The following TMEM132C variants were observed in gnomAD, a reference collection of about 807,000 sequenced individuals.
TMEM132C encodes the protein transmembrane protein 132C, also known as protein phosphatase 1, regulatory subunit 152.
Under a neutral mutation model 61.4 loss-of-function variants are expected in TMEM132C, and 29 were observed. The observed-to-expected ratio is 0.47, with a 90% confidence interval of 0.35 to 0.64. TMEM132C has a LOEUF of 0.64. Among genes scored for constraint, TMEM132C ranks in the 30% least tolerant of loss-of-function variants. The pLI is 0.00. For missense variants in TMEM132C, 1,408 were observed against 1,476.9 expected (o/e 0.95, Z 0.76); for synonymous variants, 656 against 633.1 (o/e 1.04, Z -0.54).
chr12:128,308,850 C>G (rs1871874447), intron 1 of TMEM132C, among the ~76,000 whole-genome samples: 1 of 152,184 alleles, frequency 6.6e-6, no homozygotes, highest in African/African-American at 2.4e-5. Flanking sequence ...CTCTTCTTTC[C>G]TGTGAACTAA....
Position 128,504,042 on chromosome 12 carries a change from C to T in TMEM132C, c.975-39915C>T, listed in dbSNP as rs12582184. On this transcript the variant is annotated intron_variant, in intron 2 of 8. Coordinates refer to ENST00000435159, the MANE Select transcript of TMEM132C (RefSeq NM_001136103.3). ...TTGTCTGGGCTTTCTTCTTTCCTCTCTCCCCCTCTCCCTCCCTCTCACGTC... is the reference window on the plus strand; with the variant it reads ...TTGTCTGGGCTTTCTTCTTTCCTCTTTCCCCCTCTCCCTCCCTCTCACGTC... Among the ~76,000 whole-genome samples the T allele has an allele frequency of 0.019, 2,864 of 152,188 alleles. 280 individuals carry two copies. The East Asian group carries it at 0.3, about 16-fold the overall frequency.
At chr12:128,312,650 A>G (rs569195706) in intron 1 of TMEM132C, among the ~76,000 whole-genome samples, 88 of 152,276 alleles carry the variant, frequency 5.8e-4, no homozygotes, top group African/African-American at 2.0e-3. Context: ...AGAATTTCCA[A>G]CAGCCATCAG....
At chr12:128,287,681 GTA>G (rs1420709758) in intron 1 of TMEM132C, among the ~76,000 whole-genome samples, 1 of 152,162 alleles carries the variant, frequency 6.6e-6, no homozygotes, top group East Asian at 1.9e-4. Context: ...GTACTATTAT[GTA>G]TCTGCCTCCT....
At chr12:128,512,128 G>A (rs780240747) in intron 2 of TMEM132C, among the ~76,000 whole-genome samples, 3 of 151,570 alleles carry the variant, frequency 2.0e-5, no homozygotes, top group Non-Finnish European at 4.4e-5. Flanking sequence ...TTATTCCTTA[G>A]AAAGCAAAAT....
intron 2 of TMEM132C, among the ~76,000 whole-genome samples, chr12:128,541,153 T>C (rs1873733991): frequency 6.6e-6 from 1 of 152,172 alleles, no homozygotes; most frequent in African/African-American, 2.4e-5. Context: ...TTTACTTATG[T>C]TGACTGGTTT....
chr12:128,506,637 G>T (rs1273189297), intron 2 of TMEM132C, among the ~76,000 whole-genome samples: 1 of 152,126 alleles, frequency 6.6e-6, no homozygotes, highest in Non-Finnish European at 1.5e-5. Context: ...AACCTGCCTG[G>T]CTTCCGTCTC....
At chr12:128,609,289 A>AACCCCT (rs1565990395) in intron 3 of TMEM132C, among the ~76,000 whole-genome samples, 1 of 108,668 alleles carries the variant, frequency 9.2e-6, no homozygotes, top group Non-Finnish European at 1.9e-5. Context: ...GCAACACTGT[A>AACCCCT]GCCCCCGCCT....
At chr12:128,616,426 T>C in intron 4 of TMEM132C, 91 bp downstream of exon 4, 1 of 1,245,956 alleles carries the variant, frequency 8.0e-7, no homozygotes, top group Non-Finnish European at 1.1e-6. Flanking sequence ...TTTGCTACAA[T>C]GATTTTATGG....
rs1010865739 is a variant in TMEM132C at position 128,630,194 on chromosome 12, G to A, written c.1305+13859G>A. On this transcript the variant is annotated intron_variant, in intron 4 of 8. Coordinates refer to ENST00000435159, the MANE Select transcript of TMEM132C (RefSeq NM_001136103.3). This position sits in a 1 kb window ranked among gnomAD's most constrained non-coding sequence, Gnocchi z 4.3. The stretch of plus-strand genomic sequence containing the variant: ...GGCGGCAAGCTGGCGGCAAGCCCAG[G>A]AATCTGCATCCCTAACAAGCTCCAG... Among the ~76,000 whole-genome samples the A allele has an allele frequency of 6.6e-6, 1 of 152,030 alleles. No homozygotes were observed. Among genetic ancestry groups the A allele is most frequent in the Non-Finnish European group, 1.5e-5 (1 of 68,010 alleles).
At position 128,576,803 on chromosome 12, in the gene TMEM132C, C is replaced by T. The variant is rs187824820; in HGVS notation, c.1121+32700C>T. 1.4e-4 allele frequency among the ~76,000 whole-genome samples: 21 copies of T among 152,238 alleles called. No homozygotes were observed. The East Asian group carries it at 3.1e-3, about 22-fold the overall frequency. On this transcript the variant is annotated intron_variant, in intron 3 of 8. Coordinates refer to ENST00000435159, the MANE Select transcript of TMEM132C (RefSeq NM_001136103.3). ...TCGACATTGTTGTTGTTGTTGTTGACGATGATGATGATGTTGGAAAATCTT... is the reference window on the plus strand; with the variant it reads ...TCGACATTGTTGTTGTTGTTGTTGATGATGATGATGATGTTGGAAAATCTT...
intron 4 of TMEM132C, among the ~76,000 whole-genome samples, chr12:128,655,442 G>A (rs998597946): frequency 6.6e-6 from 1 of 151,940 alleles, no homozygotes; most frequent in Non-Finnish European, 1.5e-5. Context: ...TTAATCAGAT[G>A]GCTCTTCTCT....
intron 2 of TMEM132C, among the ~76,000 whole-genome samples, chr12:128,471,040 T>C (rs950431141): frequency 2.0e-5 from 3 of 152,218 alleles, no homozygotes; most frequent in African/African-American, 7.2e-5. Context: ...GTATTTTGAA[T>C]CAAATGACTC....
chr12:128,526,854 C>T (rs566556027), intron 2 of TMEM132C, among the ~76,000 whole-genome samples: 1 of 152,182 alleles, frequency 6.6e-6, no homozygotes, highest in African/African-American at 2.4e-5. Context: ...ACTGGATTAT[C>T]GTGAATGAGG....
chr12:128,689,373 A>G (rs187870686), intron 5 of TMEM132C, among the ~76,000 whole-genome samples: 1 of 152,326 alleles, frequency 6.6e-6, no homozygotes, highest in East Asian at 1.9e-4. Context: ...ATCGTGCAAT[A>G]AAACACTTGA....
chr12:128,663,774 A>C (rs917595378), intron 4 of TMEM132C, among the ~76,000 whole-genome samples: 3 of 151,890 alleles, frequency 2.0e-5, no homozygotes, highest in Non-Finnish European at 4.4e-5. Flanking sequence ...CTGCCACATC[A>C]ATATCATGCA....
intron 3 of TMEM132C, among the ~76,000 whole-genome samples, chr12:128,605,458 G>A (rs1876389358): frequency 6.6e-6 from 1 of 152,162 alleles, no homozygotes; most frequent in Non-Finnish European, 1.5e-5. Flanking sequence ...CTCAGCTGAG[G>A]TGTTAATTTC....
chr12:128,651,293 T>G (rs12828918), intron 4 of TMEM132C, among the ~76,000 whole-genome samples: 16,586 of 152,172 alleles, frequency 0.11, 1,141 homozygotes, highest in Non-Finnish European at 0.15. Flanking sequence ...TGCAGTTGTC[T>G]GCAGCCCAAG....
Position 128,481,782 on chromosome 12 carries a change from G to A in TMEM132C, c.975-62175G>A, listed in dbSNP as rs1235278394. On this transcript the variant is annotated intron_variant, in intron 2 of 8. Transcript: ENST00000435159. ...TTCAGAGGAAGGGGAAGGGGGCTTG[G>A]TTGTCCCTGGCTTCCCAGCTGCGGC... 2.6e-5 allele frequency among the ~76,000 whole-genome samples: 4 copies of A among 152,068 alleles called. No homozygotes were observed. The South Asian group carries it at 8.3e-4, about 32-fold the overall frequency.
At chr12:128,437,255 C>T (rs1353676768) in intron 2 of TMEM132C, among the ~76,000 whole-genome samples, 1 of 152,152 alleles carries the variant, frequency 6.6e-6, no homozygotes, top group African/African-American at 2.4e-5. Flanking sequence ...TGGAACAAAC[C>T]TGCACGTTGT....
Sources: gnomAD v4.1 joint callset for allele counts (sites outside exome capture counted in the v4.1 genomes callset) on GRCh38, gnomAD v4.1.1 for gene constraint, Gnocchi (gnomAD v3.1) non-coding constraint, MANE v1.5 for transcripts, NCBI Gene and HGNC (gene_info 2026-07-23, HGNC 2026-07-21) for gene names.